The following ARID5B variants were observed in gnomAD, a reference collection of about 807,000 sequenced individuals.
ARID5B encodes the protein AT-rich interaction domain 5B.
In ARID5B, 13 loss-of-function variants were observed where a neutral mutation model predicts 97.2. The ratio of observed to expected loss-of-function variants is 0.13; its 90% confidence interval spans 0.09 to 0.21. ARID5B has a LOEUF of 0.21. Ranked by LOEUF, ARID5B falls within the 10% of genes least tolerant of loss-of-function variation. The probability of loss-of-function intolerance (pLI) is 1.00; values close to 1 mark genes in which losing one functional copy is unlikely to be tolerated. For missense variants in ARID5B, 1,210 were observed against 1,465.3 expected (o/e 0.83, Z 2.84); for synonymous variants, 556 against 570.3 (o/e 0.97, Z 0.36).
intron 4 of ARID5B, among the ~76,000 whole-genome samples, chr10:62,021,486 C>T (rs1839355989): frequency 6.6e-6 from 1 of 152,110 alleles, no homozygotes. Context: ...AGGAAGTTGG[C>T]ATAATTGAAA....
intron 4 of ARID5B, among the ~76,000 whole-genome samples, chr10:62,038,089 C>G (rs1839588141): frequency 6.6e-6 from 1 of 152,140 alleles, no homozygotes. Flanking sequence ...GACTTCTCCC[C>G]CAGCTTTCTC....
chr10:61,912,950 G>A (rs1398322383), intron 2 of ARID5B, among the ~76,000 whole-genome samples: 1 of 152,142 alleles, frequency 6.6e-6, no homozygotes, highest in Non-Finnish European at 1.5e-5. Flanking sequence ...TCAGCTCAGA[G>A]TATCACTAGA....
At chr10:61,979,272 T>C (rs939129102) in intron 3 of ARID5B, among the ~76,000 whole-genome samples, 3 of 152,246 alleles carry the variant, frequency 2.0e-5, no homozygotes, top group Non-Finnish European at 2.9e-5. Flanking sequence ...CTTTTGGCAT[T>C]GTGGAACAGT....
Position 61,937,888 on chromosome 10 carries a change from T to C in ARID5B, c.277-2295T>C, listed in dbSNP as rs548526621. Among the ~76,000 whole-genome samples, 42 of 152,320 alleles carry C rather than the reference T, an allele frequency of 2.8e-4. 1 individual carries two copies. In the South Asian group the frequency reaches 8.3e-3, roughly 30 times the overall value. On this transcript the variant is annotated intron_variant, in intron 2 of 9. Transcript: ENST00000279873. ...GTTTTCTTGTGGTGGGAGGGGGGTG[T>C]TGGCTTGCTGTTTCCCCCTCCTCTC...
intron 4 of ARID5B, among the ~76,000 whole-genome samples, chr10:62,045,197 T>C (rs1050828326): frequency 6.6e-6 from 1 of 152,228 alleles, no homozygotes; most frequent in Non-Finnish European, 1.5e-5. Flanking sequence ...AATGCCTTTC[T>C]TTCATTACAC....
At position 61,921,226 on chromosome 10, in the gene ARID5B, A is replaced by T. The variant is rs567414357; in HGVS notation, c.276+18813A>T. ...AGATTTGGTGTCTTGTTAAAACAAC[A>T]CTTACTATCCACAGTTTCTGTGGGT... is the stretch of plus-strand genomic sequence containing the variant. On this transcript the variant is annotated intron_variant, in intron 2 of 9. Coordinates refer to ENST00000279873, the MANE Select transcript of ARID5B (RefSeq NM_032199.3). 4.6e-5 allele frequency among the ~76,000 whole-genome samples: 7 copies of T among 152,354 alleles called. No individual in the cohort carries two copies. The East Asian group carries it at 1.3e-3, about 29-fold the overall frequency.
At chr10:61,975,191 T>C (rs1467474077) in intron 3 of ARID5B, among the ~76,000 whole-genome samples, 2 of 152,170 alleles carry the variant, frequency 1.3e-5, no homozygotes, top group Admixed American at 1.3e-4. Flanking sequence ...CTGTTTGAGA[T>C]GGATAATCCA....
intron 3 of ARID5B, among the ~76,000 whole-genome samples, chr10:61,983,049 T>C (rs1377492788): frequency 3.3e-5 from 5 of 152,160 alleles, no homozygotes; most frequent in Non-Finnish European, 7.4e-5. Flanking sequence ...ATATTGAGGC[T>C]CCTTCAGAGG....
chr10:62,040,276 A>T (rs1478149770), intron 4 of ARID5B, among the ~76,000 whole-genome samples: 1 of 152,168 alleles, frequency 6.6e-6, no homozygotes, highest in Non-Finnish European at 1.5e-5. Flanking sequence ...AATGATTACC[A>T]GATTTGAATT....
intron 3 of ARID5B, among the ~76,000 whole-genome samples, chr10:61,945,113 A>C (rs192811987): frequency 6.6e-6 from 1 of 152,058 alleles, no homozygotes; most frequent in East Asian, 1.9e-4. Context: ...TTGGCTCTAC[A>C]TGTAGATCTG....
chr10:62,030,206 G>A (rs1589265345), intron 4 of ARID5B, among the ~76,000 whole-genome samples: 1 of 151,182 alleles, frequency 6.6e-6, no homozygotes, highest in Non-Finnish European at 1.5e-5. Flanking sequence ...CTCGGCTCAC[G>A]GCAACTTCCG....
At chr10:62,057,019 A>G (rs1475599531) in intron 5 of ARID5B, 98 bp from the exon 6 acceptor site, 10 of 1,108,900 alleles carry the variant, frequency 9.0e-6, no homozygotes, top group Non-Finnish European at 1.2e-5. Flanking sequence ...CACCCTTAGC[A>G]CTCACTGAAA....
At chr10:62,061,924 T>C (rs796278084) in intron 7 of ARID5B, among the ~76,000 whole-genome samples, 104 of 152,306 alleles carry the variant, frequency 6.8e-4, no homozygotes, top group African/African-American at 2.5e-3. Flanking sequence ...GAACAGAATT[T>C]TAAAAGGCAT....
rs981679312 is a variant in ARID5B, at chr10:62,095,830, C to A, written c.*2800C>A. 5 of 230,696 alleles carry A rather than the reference C, an allele frequency of 2.2e-5. No homozygotes were observed. The highest frequency in any genetic ancestry group is 1.1e-4 in the African/African-American group (5 of 45,164). 14.3% of individuals were successfully genotyped at this position (230,696 alleles called of 1,614,324 possible). ...CAAGCCTTTCTTTGTGCAATCAAAC[C>A]ATTGTTATTGGTAGTTCTGTAAAGG... On this transcript the variant is annotated 3_prime_UTR_variant, in exon 10 of 10. Transcript: ENST00000279873.
chr10:61,967,664 CCAAA>C (rs996743655), intron 3 of ARID5B, among the ~76,000 whole-genome samples: 4 of 152,156 alleles, frequency 2.6e-5, no homozygotes, highest in Non-Finnish European at 4.4e-5. Context: ...GACAAACTGC[CCAAA>C]CATTCAATTT....
intron 1 of ARID5B, 41 bp downstream of exon 1, chr10:61,901,771 C>G: frequency 6.2e-7 from 1 of 1,602,874 alleles, no homozygotes. Flanking sequence ...CGGCACCCCC[C>G]GGCACCCCCC....
At chr10:61,995,293 G>A (rs1274781917) in intron 3 of ARID5B, among the ~76,000 whole-genome samples, 2 of 152,182 alleles carry the variant, frequency 1.3e-5, no homozygotes, top group Admixed American at 1.3e-4. Flanking sequence ...ATCTTACACA[G>A]CATTTATTGG....
At chr10:62,042,727 C>A (rs558181049) in intron 4 of ARID5B, among the ~76,000 whole-genome samples, 1 of 151,664 alleles carries the variant, frequency 6.6e-6, no homozygotes, top group African/African-American at 2.4e-5. Flanking sequence ...CTGGCTAACA[C>A]GGTGAAACCC....
chr10:61,937,950 G>T lies in ARID5B; in HGVS notation c.277-2233G>T, dbSNP rs537607290. Among the ~76,000 whole-genome samples the T allele has an allele frequency of 2.6e-5, 4 of 152,226 alleles. No individual in the cohort carries two copies. In the East Asian group the frequency reaches 7.7e-4, roughly 29 times the overall value. ...TCCTTCTATGGCATTTGACAATGTT[G>T]CAGGGCCAGTTTCTCTGTGAATCCA... On this transcript the variant is annotated intron_variant, in intron 2 of 9. Coordinates refer to ENST00000279873, the MANE Select transcript of ARID5B (RefSeq NM_032199.3).
Sources: gnomAD v4.1 joint callset for allele counts (sites outside exome capture counted in the v4.1 genomes callset) on GRCh38, gnomAD v4.1.1 for gene constraint, MANE v1.5 for transcripts, NCBI Gene and HGNC (gene_info 2026-07-23, HGNC 2026-07-21) for gene names.